PPM1D: variants seen among roughly 807,000 people sequenced by gnomAD.
The protein encoded by PPM1D is protein phosphatase 1D.
PPM1D carries 52 observed loss-of-function variants against 58.3 expected under a neutral mutation model. The ratio of observed to expected loss-of-function variants is 0.89; its 90% confidence interval spans 0.71 to 1.12. The LOEUF (loss-of-function observed/expected upper bound fraction) is 1.12, where lower values mean the gene tolerates loss of function less well. Among genes scored for constraint, PPM1D ranks in the 50% most tolerant of loss-of-function variants. The probability of loss-of-function intolerance (pLI) is 0.00; values close to 1 mark genes in which losing one functional copy is unlikely to be tolerated. For missense variants in PPM1D, 564 were observed against 777.2 expected (o/e 0.73, Z 3.26); for synonymous variants, 278 against 285.1 (o/e 0.98, Z 0.25).
chr17:60,644,029 C>T (rs375171961), intron 3 of PPM1D, among the ~76,000 whole-genome samples: 33 of 151,416 alleles, frequency 2.2e-4, no homozygotes, highest in Middle Eastern at 3.4e-3. Flanking sequence ...GGATTACAGG[C>T]GCGTGCCACC....
At chr17:60,611,393 G>A (rs1171029676) in intron 1 of PPM1D, among the ~76,000 whole-genome samples, 2 of 151,720 alleles carry the variant, frequency 1.3e-5, no homozygotes, top group South Asian at 2.1e-4. Context: ...TTGCTGATTT[G>A]TAGAAATTCT....
At chr17:60,623,468 A>T in intron 1 of PPM1D, 53 bp from the exon 2 acceptor site, 1 of 1,493,810 alleles carries the variant, frequency 6.7e-7, no homozygotes. Flanking sequence ...GTATCCTGAC[A>T]GTGTATTAAT....
intron 1 of PPM1D, among the ~76,000 whole-genome samples, chr17:60,608,752 CTTT>C (rs1446212388): frequency 6.9e-6 from 1 of 145,438 alleles, no homozygotes; most frequent in African/African-American, 2.5e-5. Flanking sequence ...TTAGGTATAT[CTTT>C]TTTTTTTTTT....
At chr17:60,613,908 C>T (rs1217299827) in intron 1 of PPM1D, among the ~76,000 whole-genome samples, 1 of 150,640 alleles carries the variant, frequency 6.6e-6, no homozygotes, top group African/African-American at 2.5e-5. Context: ...CCCGCCACCC[C>T]CCCGCCTCAC....
chr17:60,622,335 A>G (rs578198604), intron 1 of PPM1D, among the ~76,000 whole-genome samples: 8 of 152,092 alleles, frequency 5.3e-5, no homozygotes, highest in East Asian at 1.9e-4. Flanking sequence ...ATCTTTGCCT[A>G]TGACCTTTCT....
In PPM1D at chr17:60,663,335, TTA is replaced by T; in HGVS notation, c.1602_1603del (p.Phe534LeufsTer17). The T allele has an allele frequency of 6.2e-7, 1 of 1,614,090 alleles. No individual in the cohort carries two copies. Among genetic ancestry groups the T allele is most frequent in the Non-Finnish European group, 8.5e-7 (1 of 1,180,012 alleles). On this transcript the variant is annotated frameshift_variant, in exon 6 of 6. Transcript: ENST00000305921. LOFTEE classifies it high-confidence loss of function. ...ATTGAAAGAACCCCTCCAACAAACT[TTA>T]AAAGGACATTAGAAGAGTCCAATTC...
At chr17:60,656,902 CA>C in intron 5 of PPM1D, 61 bp downstream of exon 5, 1 of 1,608,876 alleles carries the variant, frequency 6.2e-7, no homozygotes. Flanking sequence ...TGGTTAGCGT[CA>C]CCTGGAAACA....
intron 3 of PPM1D, among the ~76,000 whole-genome samples, chr17:60,644,687 A>G (rs1034143224): frequency 2.0e-5 from 3 of 152,206 alleles, no homozygotes; most frequent in African/African-American, 7.2e-5. Flanking sequence ...CACAGATTCC[A>G]ACACTATCTG....
At chr17:60,659,027 T>C (rs192617189) in intron 5 of PPM1D, among the ~76,000 whole-genome samples, 4 of 152,312 alleles carry the variant, frequency 2.6e-5, no homozygotes, top group Non-Finnish European at 4.4e-5. Flanking sequence ...TAAGAAGACG[T>C]ATGTTTGCCA....
chr17:60,614,200 G>T (rs1444561252), intron 1 of PPM1D, among the ~76,000 whole-genome samples: 1 of 152,176 alleles, frequency 6.6e-6, no homozygotes, highest in Non-Finnish European at 1.5e-5. Context: ...AAACACGCCA[G>T]TCAGCACCCT....
chr17:60,633,008 A>G (rs2030956183), intron 2 of PPM1D, among the ~76,000 whole-genome samples: 1 of 151,946 alleles, frequency 6.6e-6, no homozygotes, highest in Admixed American at 6.6e-5. Context: ...CTGGCTGGGC[A>G]CGGTGGCTGA....
chr17:60,616,834 T>C (rs1487345733), intron 1 of PPM1D, among the ~76,000 whole-genome samples: 3 of 152,242 alleles, frequency 2.0e-5, no homozygotes, highest in Non-Finnish European at 2.9e-5. Context: ...TTAAATAATA[T>C]TGCATCTAAG....
chr17:60,642,575 G>A (rs1598409282), intron 3 of PPM1D, among the ~76,000 whole-genome samples: 1 of 151,808 alleles, frequency 6.6e-6, no homozygotes, highest in African/African-American at 2.4e-5. Context: ...TCTCCTGCCC[G>A]AGCCTCTCGA....
intron 3 of PPM1D, 150 bp downstream of exon 3, chr17:60,634,127 G>A (rs2030978994): frequency 3.1e-6 from 3 of 959,036 alleles, no homozygotes; most frequent in African/African-American, 1.7e-5. Context: ...GAACCTAATC[G>A]AAGCCATGCA....
At chr17:60,661,390 G>A (rs1265417425) in intron 5 of PPM1D, among the ~76,000 whole-genome samples, 3 of 151,840 alleles carry the variant, frequency 2.0e-5, no homozygotes, top group Non-Finnish European at 2.9e-5. Flanking sequence ...TACATGTTTG[G>A]GGGAGAGAGT....
chr17:60,620,521 TTTTG>T (rs960994336), intron 1 of PPM1D, among the ~76,000 whole-genome samples: 62 of 152,100 alleles, frequency 4.1e-4, no homozygotes, highest in African/African-American at 7.5e-4. Context: ...TTGCTGTTTT[TTTTG>T]TTTGTTTGTT....
intron 3 of PPM1D, among the ~76,000 whole-genome samples, chr17:60,637,365 C>T (rs950602020): frequency 1.3e-5 from 2 of 152,144 alleles, no homozygotes; most frequent in East Asian, 1.9e-4. Flanking sequence ...TTCGGCCTCT[C>T]AGAGTACTGG....
chr17:60,635,234 A>T lies in PPM1D; in HGVS notation c.826+1257A>T, dbSNP rs543878789. ...CACATATGGGTTGTTTTTTTTTTTT[A>T]AATGGAGTTTTACTCTTGTTCCCCA... On this transcript the variant is annotated intron_variant, in intron 3 of 5. Transcript: ENST00000305921. Among the ~76,000 whole-genome samples, 28 of 149,358 alleles carry T rather than the reference A, an allele frequency of 1.9e-4. No homozygotes were observed. The South Asian group carries it at 3.4e-3, about 18-fold the overall frequency.
chr17:60,646,707 G>T (rs903425857), intron 3 of PPM1D, among the ~76,000 whole-genome samples: 2 of 152,076 alleles, frequency 1.3e-5, no homozygotes, highest in Admixed American at 6.6e-5. Context: ...TATGGCCTGG[G>T]TCGACTAAAA....
Sources: gnomAD v4.1 joint callset for allele counts (sites outside exome capture counted in the v4.1 genomes callset) on GRCh38, gnomAD v4.1.1 for gene constraint, MANE v1.5 for transcripts, NCBI Gene and HGNC (gene_info 2026-07-23, HGNC 2026-07-21) for gene names.